The following KLHL30 variants were observed in gnomAD, a reference collection of about 807,000 sequenced individuals.
The protein encoded by KLHL30 is kelch-like protein 30.
A neutral mutation model predicts 55.0 loss-of-function variants in KLHL30; 55 were observed. That is an observed-to-expected ratio of 1.00 (90% CI 0.80 to 1.25). The LOEUF is 1.25. Ranked by LOEUF, KLHL30 falls within the 50% of genes most tolerant of loss-of-function variation. The pLI is 0.00. For missense variants in KLHL30, 786 were observed against 811.6 expected, an observed-to-expected ratio of 0.97 and a Z score of 0.38; for synonymous variants, 356 against 372.6, an observed-to-expected ratio of 0.96 and a Z score of 0.51.
intron 7 of KLHL30, 125 bp from the exon 8 acceptor site, chr2:238,150,689 C>G: frequency 8.8e-7 from 1 of 1,136,218 alleles, no homozygotes; most frequent in Non-Finnish European, 1.2e-6. Context: ...CGCTCATGCC[C>G]TGGAGGGGAT....
At position 238,148,042 on chromosome 2, in the gene KLHL30, C is replaced by T. The variant is rs775355567; in HGVS notation, c.1339+20C>T. 9.4e-6 allele frequency: 13 copies of T among 1,384,510 alleles called. No homozygotes were observed. Among genetic ancestry groups the T allele is most frequent in the African/African-American group, 1.5e-5 (1 of 66,628 alleles). 85.8% of individuals were successfully genotyped at this position (1,384,510 alleles called of 1,614,324 possible). ...TCACAGGTGGGTGGGGCTCAGGGAC[C>T]GAGGATAGAGGACCACAGGCCCCTC... On this transcript the variant is annotated intron_variant, in intron 6 of 7. Coordinates refer to ENST00000409223, the MANE Select transcript of KLHL30 (RefSeq NM_198582.4).
chr2:238,143,547 G>T (rs1692580033), intron 3 of KLHL30, among the ~76,000 whole-genome samples: 1 of 152,226 alleles, frequency 6.6e-6, no homozygotes, highest in Non-Finnish European at 1.5e-5. Context: ...GAGGCATGAG[G>T]GGCCCCGCAG....
At chr2:238,143,775 C>A (rs1692583559) in intron 3 of KLHL30, among the ~76,000 whole-genome samples, 2 of 152,218 alleles carry the variant, frequency 1.3e-5, no homozygotes, top group African/African-American at 4.8e-5. Flanking sequence ...TCAGACCTGG[C>A]CGGGAGGTGG....
Position 238,147,945 on chromosome 2 carries a change from G to A in KLHL30, c.1262G>A (p.Arg421Gln), listed in dbSNP as rs769587093. ...AGCAACTTCTCGGCTGCCGGCTGCC[G>A]GGGCCGGCTCTACCTGGTGGGCTCC... ...YVSNFSAAGCRGRLYLVGSSA... is the reference protein window; with the variant it reads ...YVSNFSAAGCQGRLYLVGSSA... The change falls in exon 6 of 8, where the codon CGG (arginine) becomes CAG (glutamine). Residue 421 changes from arginine to glutamine, a missense_variant. Arg to Gln is a conservative substitution (Grantham distance 43). Coordinates refer to ENST00000409223, the MANE Select transcript of KLHL30 (RefSeq NM_198582.4). This position sits in a 1 kb window ranked among gnomAD's most constrained non-coding sequence, Gnocchi z 5.8. 5.0e-5 allele frequency: 80 copies of A among 1,586,238 alleles called. No homozygotes were observed. The highest frequency in any genetic ancestry group is 5.8e-5 in the South Asian group (5 of 86,522).
At chr2:238,139,299 C>A (rs1004086456) in intron 1 of KLHL30, among the ~76,000 whole-genome samples, 1 of 152,242 alleles carries the variant, frequency 6.6e-6, no homozygotes, top group African/African-American at 2.4e-5. Flanking sequence ...CCAGGGACAG[C>A]CCTGTCACCT....
intron 4 of KLHL30, 45 bp downstream of exon 4, chr2:238,145,033 G>A (rs770870240): frequency 6.7e-7 from 1 of 1,503,422 alleles, no homozygotes; most frequent in Non-Finnish European, 9.1e-7. Flanking sequence ...GCCCAGCCAA[G>A]CACTGGGCTC....
Position 238,145,687 on chromosome 2 carries a change from G to T in KLHL30, c.1005G>T (p.Arg335=). The T allele has an allele frequency of 6.3e-7, 1 of 1,579,792 alleles. No homozygotes were observed. The highest frequency in any genetic ancestry group is 8.6e-7 in the Non-Finnish European group (1 of 1,164,738). The stretch of plus-strand genomic sequence containing the variant: ...AACTTCTCCCGGCAGGTGGCTCTCG[G>T]GGCACAAAGACAGACACCTGGTCAA... ...NNNIYVTGGS[R]GTKTDTWSTT... The change falls in exon 5 of 8, where the codon CGG becomes CGT. Residue 335 remains arginine, a synonymous_variant. Transcript: ENST00000409223.
Position 238,149,049 on chromosome 2 carries a change from T to C in KLHL30, c.1382T>C (p.Leu461Pro). ...VIASPFLPKYLSSPRCAALHG... is the reference protein window; with the variant it reads ...VIASPFLPKYPSSPRCAALHG... Reference sequence around the variant, plus strand: ...GCCTCGCCCTTCCTGCCCAAGTACCTGTCCTCGCCTCGCTGTGCTGCACTG... The same window carrying C: ...GCCTCGCCCTTCCTGCCCAAGTACCCGTCCTCGCCTCGCTGTGCTGCACTG... The change falls in exon 7 of 8, where the codon CTG becomes CCG. Residue 461 changes from leucine to proline, a missense_variant. By Grantham distance (98) the Leu-to-Pro change is moderately conservative. Transcript: ENST00000409223. 1 of 1,612,932 alleles carries C rather than the reference T, an allele frequency of 6.2e-7. No individual in the cohort carries two copies. The highest frequency in any genetic ancestry group is 8.5e-7 in the Non-Finnish European group (1 of 1,179,720).
intron 2 of KLHL30, among the ~76,000 whole-genome samples, chr2:238,142,509 C>G (rs966809684): frequency 4.6e-5 from 7 of 152,222 alleles, no homozygotes; most frequent in East Asian, 1.9e-4. Context: ...CCGGGACACC[C>G]TCGTGCCGCC....
chr2:238,151,218 T>G lies in KLHL30; in HGVS notation c.*153T>G. 2 of 1,068,366 alleles carry G rather than the reference T, an allele frequency of 1.9e-6. No individual in the cohort carries two copies. 66.2% of individuals were successfully genotyped at this position (1,068,366 alleles called of 1,614,324 possible). A position where few individuals can be genotyped will look rare whatever the true frequency, so the allele number is the denominator to read the frequency against. On this transcript the variant is annotated 3_prime_UTR_variant, in exon 8 of 8. Transcript: ENST00000409223. ...CCAGGGGTGATCAGACGGCATGGCT[T>G]GGAGGACACAGCCTTGGTCTCTGTG... is the stretch of plus-strand genomic sequence containing the variant.
chr2:238,151,803 GT>G lies in KLHL30; in HGVS notation c.*742del. 3.4e-6 allele frequency: 3 copies of G among 878,110 alleles called. No individual in the cohort carries two copies. Among genetic ancestry groups the G allele is most frequent in the Non-Finnish European group, 4.1e-6 (3 of 731,892 alleles). 54.4% of individuals were successfully genotyped at this position (878,110 alleles called of 1,614,324 possible). On this transcript the variant is annotated 3_prime_UTR_variant, in exon 8 of 8. Coordinates refer to ENST00000409223, the MANE Select transcript of KLHL30 (RefSeq NM_198582.4). The stretch of plus-strand genomic sequence containing the variant: ...CTGGAGGGTCCCAGGGAGGTGAGCA[GT>G]TTTGCTCTCAGAAGGGATTGCCTCC...
intron 3 of KLHL30, among the ~76,000 whole-genome samples, chr2:238,143,955 C>T (rs1692586434): frequency 6.6e-6 from 1 of 152,182 alleles, no homozygotes. Flanking sequence ...CAGAGTCTTC[C>T]TAGGGGACAT....
At chr2:238,142,142 G>A (rs1278090256) in intron 2 of KLHL30, among the ~76,000 whole-genome samples, 4 of 152,210 alleles carry the variant, frequency 2.6e-5, no homozygotes, top group Admixed American at 1.3e-4. Context: ...GTCAGCTGCC[G>A]GGCACCCTGC....
At position 238,147,050 on chromosome 2, in the gene KLHL30, A is replaced by C. The variant is rs1692659539; in HGVS notation, c.1151-784A>C. Among the ~76,000 whole-genome samples, 1 of 148,736 alleles carries C rather than the reference A, an allele frequency of 6.7e-6. No homozygotes were observed. Among genetic ancestry groups the C allele is most frequent in the African/African-American group, 2.5e-5 (1 of 40,444 alleles). On this transcript the variant is annotated intron_variant, in intron 5 of 7. Transcript: ENST00000409223. This position sits in a 1 kb window ranked among gnomAD's most constrained non-coding sequence, Gnocchi z 5.8. ...CAGGCATGGTGTCACGTGCCAGCCG[A>C]GGTAGGAGTATCGCTGAGCCTGAGA...
Position 238,147,959 on chromosome 2 carries a change from C to A in KLHL30, c.1276C>A (p.Leu426Met). Residue 426 changes from leucine (L) to methionine (M), a missense_variant, in exon 6 of 8, where the codon CTG becomes ATG. Transcript: ENST00000409223. This position sits in a 1 kb window ranked among gnomAD's most constrained non-coding sequence, Gnocchi z 5.8. Reference sequence around the variant, plus strand: ...TGCCGGCTGCCGGGGCCGGCTCTACCTGGTGGGCTCCAGCGCCTGCAAGTA... The same window carrying A: ...TGCCGGCTGCCGGGGCCGGCTCTACATGGTGGGCTCCAGCGCCTGCAAGTA... ...SAAGCRGRLY[L>M]VGSSACKYNA... The A allele has an allele frequency of 6.3e-7, 1 of 1,575,458 alleles. No individual in the cohort carries two copies. Among genetic ancestry groups the A allele is most frequent in the South Asian group, 1.2e-5 (1 of 85,170 alleles).
In KLHL30 at chr2:238,147,876, A is replaced by G; in HGVS notation, c.1193A>G (p.Tyr398Cys). The change falls in exon 6 of 8, where the codon TAC becomes TGC. Residue 398 changes from tyrosine to cysteine, a missense_variant. Physicochemically the swap from Tyr to Cys is radical, Grantham distance 194. Coordinates refer to ENST00000409223, the MANE Select transcript of KLHL30 (RefSeq NM_198582.4). The surrounding 1 kb of genome is among the most constrained non-coding windows in gnomAD (Gnocchi z 5.8). ...DVVEVESYDP[Y>C]TDSWTPVSPA... ...GTGGAGGTGGAGAGCTATGACCCCTACACGGACAGCTGGACGCCCGTCAGC... is the reference window on the plus strand; with the variant it reads ...GTGGAGGTGGAGAGCTATGACCCCTGCACGGACAGCTGGACGCCCGTCAGC... 1 of 1,594,754 alleles carries G rather than the reference A, an allele frequency of 6.3e-7. No homozygotes were observed. Among genetic ancestry groups the G allele is most frequent in the South Asian group, 1.1e-5 (1 of 88,392 alleles).
chr2:238,138,798 G>C (rs1412099428), intron 1 of KLHL30, 40 bp downstream of exon 1: 3 of 153,130 alleles, frequency 2.0e-5, no homozygotes, highest in Admixed American at 6.5e-5. Context: ...ACAGCAGAGA[G>C]GGCAGGGGGA....
intron 1 of KLHL30, among the ~76,000 whole-genome samples, chr2:238,140,412 C>T (rs1393811528): frequency 6.6e-6 from 1 of 152,192 alleles, no homozygotes; most frequent in African/African-American, 2.4e-5. Flanking sequence ...GGTTCTTTTG[C>T]CAACCCTGTT....
At chr2:238,139,223 C>T (rs1226867053) in intron 1 of KLHL30, among the ~76,000 whole-genome samples, 5 of 152,322 alleles carry the variant, frequency 3.3e-5, no homozygotes, top group Admixed American at 6.5e-5. Context: ...GCCTGCCCAT[C>T]GCCCGGCAGC....
Sources: allele counts gnomAD v4.1 joint callset (sites outside exome capture counted in the v4.1 genomes callset), GRCh38; gene constraint gnomAD v4.1.1; non-coding constraint Gnocchi (gnomAD v3.1); transcripts MANE v1.5; gene names NCBI Gene and HGNC (gene_info 2026-07-23, HGNC 2026-07-21).